The following ARMC6 variants were observed in gnomAD, a reference collection of about 807,000 sequenced individuals.
ARMC6 encodes the protein armadillo repeat-containing protein 6.
In ARMC6, 43 loss-of-function variants were observed where a neutral mutation model predicts 49.2. The observed-to-expected ratio is 0.87, with a 90% confidence interval of 0.69 to 1.13. The LOEUF (loss-of-function observed/expected upper bound fraction) is 1.13, where lower values mean the gene tolerates loss of function less well. Among genes scored for constraint, ARMC6 ranks in the 50% most tolerant of loss-of-function variants. The pLI, the probability that ARMC6 is intolerant of heterozygous loss-of-function variation, is 0.00. For missense variants in ARMC6, 627 were observed against 682.0 expected, an observed-to-expected ratio of 0.92 and a Z score of 0.90; for synonymous variants, 262 against 289.6, an observed-to-expected ratio of 0.90 and a Z score of 0.97.
chr19:19,040,576 G>A, intron 2 of ARMC6: 1 of 242,232 alleles, frequency 4.1e-6, no homozygotes, highest in Non-Finnish European at 8.6e-6. Flanking sequence ...ACCACTCCCT[G>A]CCAAGAGCTG....
chr19:19,056,091 G>T, intron 8 of ARMC6, 163 bp downstream of exon 8: 1 of 705,494 alleles, frequency 1.4e-6, no homozygotes, highest in Non-Finnish European at 2.0e-6. Context: ...AGCCCCATAG[G>T]GCCAACTTCT....
chr19:19,051,997 G>GCTGGC lies in ARMC6; in HGVS notation c.656_660dup (p.Val221LeufsTer7). 5.6e-6 allele frequency: 9 copies of GCTGGC among 1,614,106 alleles called. No individual in the cohort carries two copies. Among genetic ancestry groups the GCTGGC allele is most frequent in the Non-Finnish European group, 7.6e-6 (9 of 1,180,044 alleles). ...ACAGAATCGGCAAGACCTGGTGAAA[G>GCTGGC]CTGGCGTGCTGCCTCTGCTGACTGG... On this transcript the variant is annotated frameshift_variant, in exon 5 of 9. Transcript: ENST00000535612. LOFTEE classifies it high-confidence loss of function.
At chr19:19,041,215 A>T (rs955052507) in intron 2 of ARMC6, among the ~76,000 whole-genome samples, 2 of 152,182 alleles carry the variant, frequency 1.3e-5, no homozygotes, top group African/African-American at 4.8e-5. Flanking sequence ...CATTTCTCCT[A>T]GGCATTTTTA....
In ARMC6 at chr19:19,055,200, C is replaced by T; in HGVS notation, c.1024-65C>T. 6.6e-7 allele frequency: 1 copy of T among 1,515,020 alleles called. No individual in the cohort carries two copies. Among genetic ancestry groups the T allele is most frequent in the Non-Finnish European group, 8.8e-7 (1 of 1,133,516 alleles). The allele number at this position is 1,515,020 out of a possible 1,614,324, so 93.8% of individuals were successfully genotyped here. On this transcript the variant is annotated intron_variant, in intron 6 of 8. Coordinates refer to ENST00000535612, the MANE Select transcript of ARMC6 (RefSeq NM_001199196.2). The surrounding 1 kb of genome is among the most constrained non-coding windows in gnomAD (Gnocchi z 5.7). Reference sequence around the variant, plus strand: ...AAACAGCAAAACAGCCCCACATTCTCCCTCAGAGCCCTCTCCCACAACCAG... The same window carrying T: ...AAACAGCAAAACAGCCCCACATTCTTCCTCAGAGCCCTCTCCCACAACCAG...
rs943125121 is a variant in ARMC6 at position 19,057,935 on chromosome 19, T to C, written c.*307T>C. On this transcript the variant is annotated 3_prime_UTR_variant, in exon 9 of 9. Coordinates refer to ENST00000535612, the MANE Select transcript of ARMC6 (RefSeq NM_001199196.2). ...GCAAAGGGCACGTCCCATCACTCAC[T>C]GCCCTGTCTGAAATGTGGCAGCCAC... 1 of 456,022 alleles carries C rather than the reference T, an allele frequency of 2.2e-6. No homozygotes were observed. Among genetic ancestry groups the C allele is most frequent in the Non-Finnish European group, 4.1e-6 (1 of 244,048 alleles). 28.2% of individuals were successfully genotyped at this position (456,022 alleles called of 1,614,324 possible). A position where few individuals can be genotyped will look rare whatever the true frequency, so the allele number is the denominator to read the frequency against.
chr19:19,039,334 A>G (rs1478489684), intron 2 of ARMC6: 1 of 452,334 alleles, frequency 2.2e-6, no homozygotes, highest in Non-Finnish European at 4.4e-6. Context: ...ACGGGGCCTT[A>G]CTATGTTGTC....
intron 2 of ARMC6, among the ~76,000 whole-genome samples, chr19:19,039,954 G>A (rs535429727): frequency 4.6e-5 from 7 of 152,216 alleles, no homozygotes; most frequent in African/African-American, 1.4e-4. Flanking sequence ...ATAGTCACTC[G>A]TCACACATGG....
chr19:19,048,739 G>C (rs571555523), intron 4 of ARMC6, among the ~76,000 whole-genome samples: 1 of 152,270 alleles, frequency 6.6e-6, no homozygotes, highest in South Asian at 2.1e-4. Flanking sequence ...AAAAGACCTG[G>C]AAAGGGAATC....
chr19:19,048,024 C>T (rs757111520), intron 4 of ARMC6, among the ~76,000 whole-genome samples: 7 of 152,052 alleles, frequency 4.6e-5, no homozygotes, highest in Non-Finnish European at 8.8e-5. Flanking sequence ...CCAGCCTGGC[C>T]AACATGGCAA....
At position 19,054,315 on chromosome 19, in the gene ARMC6, C is replaced by T. The variant is rs2059525216; in HGVS notation, c.1017C>T (p.Gly339=). The change falls in exon 6 of 9, where the codon GGC becomes GGT. Residue 339 remains glycine (G), a synonymous_variant. Transcript: ENST00000535612. ...CNDHQMRDQS[G]VQELVKQVLS... ...ACCACCAGATGAGGGACCAGAGCGG[C>T]GTTCAGGTATGAAGTCCCCCTGGCC... 2 of 1,581,184 alleles carry T rather than the reference C, an allele frequency of 1.3e-6. No individual in the cohort carries two copies. Among genetic ancestry groups the T allele is most frequent in the Non-Finnish European group, 1.7e-6 (2 of 1,163,304 alleles).
Position 19,057,860 on chromosome 19 carries a change from G to A in ARMC6, c.*232G>A, listed in dbSNP as rs1433138424. 3 of 696,894 alleles carry A rather than the reference G, an allele frequency of 4.3e-6. No individual in the cohort carries two copies. Among genetic ancestry groups the A allele is most frequent in the Non-Finnish European group, 7.8e-6 (3 of 382,702 alleles). The allele number at this position is 696,894 out of a possible 1,614,324, so 43.2% of individuals were successfully genotyped here. On this transcript the variant is annotated 3_prime_UTR_variant, in exon 9 of 9. Coordinates refer to ENST00000535612, the MANE Select transcript of ARMC6 (RefSeq NM_001199196.2). Reference sequence around the variant, plus strand: ...ACTTCTGGGTCCCAGCCAGCAGCACGGATGTTACTGTCCTGCTCCTTCCCC... The same window carrying A: ...ACTTCTGGGTCCCAGCCAGCAGCACAGATGTTACTGTCCTGCTCCTTCCCC...
chr19:19,036,547 G>A (rs192010390), intron 2 of ARMC6, among the ~76,000 whole-genome samples: 41 of 152,238 alleles, frequency 2.7e-4, no homozygotes, highest in African/African-American at 9.4e-4. Flanking sequence ...TGGCCTGGCC[G>A]GGGTGGTGGG....
intron 5 of ARMC6, 59 bp from the exon 6 acceptor site, chr19:19,054,093 C>T: frequency 6.9e-7 from 1 of 1,451,670 alleles, no homozygotes. Context: ...TCCACCAAAA[C>T]AGAGGGCCCT....
At position 19,051,746 on chromosome 19, in the gene ARMC6, G is replaced by A. The variant is rs373772771; in HGVS notation, c.404G>A (p.Gly135Glu). Reference sequence around the variant, plus strand: ...TGCCGCTTCCTCGCGGCCCAGAAGGGGGCCTACCCCATCATCTTCACTGCC... The same window carrying A: ...TGCCGCTTCCTCGCGGCCCAGAAGGAGGCCTACCCCATCATCTTCACTGCC... ...KACRFLAAQK[G>E]AYPIIFTAWK... Residue 135 changes from glycine to glutamate, a missense_variant, in exon 5 of 9, where the codon GGG (glycine) becomes GAG (glutamate). By Grantham distance (98) the Gly-to-Glu change is moderately conservative. Coordinates refer to ENST00000535612, the MANE Select transcript of ARMC6 (RefSeq NM_001199196.2). 4.3e-6 allele frequency: 7 copies of A among 1,614,018 alleles called. No homozygotes were observed. In the South Asian group the frequency reaches 6.6e-5, roughly 15 times the overall value.
In ARMC6 at chr19:19,055,746, G is replaced by C; in HGVS notation, c.1156-45G>C. 6.5e-7 allele frequency: 1 copy of C among 1,527,184 alleles called. No homozygotes were observed. Among genetic ancestry groups the C allele is most frequent in the Non-Finnish European group, 8.9e-7 (1 of 1,128,478 alleles). 94.6% of individuals were successfully genotyped at this position (1,527,184 alleles called of 1,614,324 possible). ...GTGGCCATGGCAGGATGTTGTGGGGGGTCTATCTGCTGCATCTCAGCCTTT... is the reference window on the plus strand; with the variant it reads ...GTGGCCATGGCAGGATGTTGTGGGGCGTCTATCTGCTGCATCTCAGCCTTT... On this transcript the variant is annotated intron_variant, in intron 7 of 8. Coordinates refer to ENST00000535612, the MANE Select transcript of ARMC6 (RefSeq NM_001199196.2). The surrounding 1 kb of genome is among the most constrained non-coding windows in gnomAD (Gnocchi z 5.7).
rs754941038 is a variant in ARMC6 at position 19,057,407 on chromosome 19, C to G, written c.1294-9C>G. 1.9e-6 allele frequency: 3 copies of G among 1,611,362 alleles called. No individual in the cohort carries two copies. The South Asian group carries it at 3.3e-5, about 18-fold the overall frequency. On this transcript the variant is annotated splice_polypyrimidine_tract_variant and intron_variant, in intron 8 of 8. Coordinates refer to ENST00000535612, the MANE Select transcript of ARMC6 (RefSeq NM_001199196.2). ...CCATCTGGCAGCTCACAGCTGCTCT[C>G]TCCTACAGAAACAGGCTTGCATGCT...
chr19:19,055,557 T>A lies in ARMC6; in HGVS notation c.1155+161T>A, dbSNP rs1599651126. On this transcript the variant is annotated intron_variant, in intron 7 of 8. Transcript: ENST00000535612. This position sits in a 1 kb window ranked among gnomAD's most constrained non-coding sequence, Gnocchi z 5.7. The stretch of plus-strand genomic sequence containing the variant: ...ATGCTGACCTGCGTATGCATGACTT[T>A]GGGTGTCCTGGAGTTACCACCAGCA... Among the ~76,000 whole-genome samples, 3 of 152,070 alleles carry A rather than the reference T, an allele frequency of 2.0e-5. No individual in the cohort carries two copies. Among genetic ancestry groups the A allele is most frequent in the Admixed American group, 2.0e-4 (3 of 15,272 alleles).
At chr19:19,037,478 C>A in intron 2 of ARMC6, 1 of 394,898 alleles carries the variant, frequency 2.5e-6, no homozygotes, top group Non-Finnish European at 4.9e-6. Flanking sequence ...CCTGGGCTCC[C>A]ACCTCAGCCT....
At chr19:19,053,424 T>C (rs1568496084) in intron 5 of ARMC6, among the ~76,000 whole-genome samples, 2 of 151,950 alleles carry the variant, frequency 1.3e-5, no homozygotes, top group Non-Finnish European at 2.9e-5. Context: ...GAAGGAGAAA[T>C]TGTGGTGAGC....
Sources: gnomAD v4.1 joint callset for allele counts (sites outside exome capture counted in the v4.1 genomes callset) on GRCh38, gnomAD v4.1.1 for gene constraint, Gnocchi (gnomAD v3.1) non-coding constraint, MANE v1.5 for transcripts, NCBI Gene and HGNC (gene_info 2026-07-23, HGNC 2026-07-21) for gene names.